VPS26C: variants seen among roughly 807,000 people sequenced by gnomAD.
VPS26C encodes VPS26 endosomal protein sorting factor C, also known as vacuolar protein sorting-associated protein 26C.
Under a neutral mutation model 30.6 loss-of-function variants are expected in VPS26C, and 19 were observed. The observed-to-expected ratio is 0.62, with a 90% confidence interval of 0.43 to 0.91. The LOEUF is 0.91. VPS26C is among the 40% of genes least tolerant of loss of function. The pLI is 0.00. For missense variants in VPS26C, 318 were observed against 385.1 expected (o/e 0.83, Z 1.46); for synonymous variants, 132 against 151.5 (o/e 0.87, Z 0.95).
At position 37,233,339 on chromosome 21, in the gene VPS26C, CAG is replaced by C. The variant is rs1569232809; in HGVS notation, c.432+21_432+22del. ...ATGGGAGATTCCTATCATTAAGCAC[CAG>C]AGTCCCCGAGTGAAGCTTACAGCGG... On this transcript the variant is annotated intron_variant, in intron 4 of 7. Transcript: ENST00000309117. The surrounding 1 kb of genome is among the most constrained non-coding windows in gnomAD (Gnocchi z 5.2). 6.2e-7 allele frequency: 1 copy of C among 1,602,950 alleles called. No homozygotes were observed. Among genetic ancestry groups the C allele is most frequent in the Non-Finnish European group, 8.5e-7 (1 of 1,169,858 alleles).
intron 1 of VPS26C, 25 bp downstream of exon 1, chr21:37,267,213 A>AAAACC: frequency 4.8e-6 from 2 of 415,808 alleles, no homozygotes; most frequent in Non-Finnish European, 9.3e-6. Flanking sequence ...CCCCACCTCC[A>AAAACC]TCCCCACCCC....
In VPS26C at chr21:37,233,488, G is replaced by A. The variant is rs1314792969; in HGVS notation, c.352-46C>T. ...AAAAAAGTTCATTTTAGTGGGATTT[G>A]CTTTCATCTTGGAATTATATTCAAA... is the stretch of plus-strand genomic sequence containing the variant. On this transcript the variant is annotated intron_variant, in intron 3 of 7. Transcript: ENST00000309117. This position sits in a 1 kb window ranked among gnomAD's most constrained non-coding sequence, Gnocchi z 5.2. 1 of 1,396,698 alleles carries A rather than the reference G, an allele frequency of 7.2e-7. No homozygotes were observed. Among genetic ancestry groups the A allele is most frequent in the Non-Finnish European group, 1.0e-6 (1 of 983,008 alleles). The allele number at this position is 1,396,698 out of a possible 1,614,324, so 86.5% of individuals were successfully genotyped here.
chr21:37,232,055 T>C (rs1421257665), intron 5 of VPS26C: 6 of 306,508 alleles, frequency 2.0e-5, no homozygotes, highest in Admixed American at 1.4e-4. Context: ...CGGCTAACCA[T>C]GAGAAATGAA....
Position 37,228,337 on chromosome 21 carries a change from G to A in VPS26C, c.544C>T (p.Leu182Phe). The A allele has an allele frequency of 6.2e-7, 1 of 1,614,202 alleles. No homozygotes were observed. The highest frequency in any genetic ancestry group is 1.3e-5 in the African/African-American group (1 of 75,050). Residue 182 changes from leucine to phenylalanine, a missense_variant, in exon 6 of 8, where the codon CTC (leucine) becomes TTC (phenylalanine). Transcript: ENST00000309117. ...LLPKFLLRGH[L>F]NSTNCVITQP... ...GTGATGACACAGTTTGTTGAGTTGA[G>A]ATGTCCTCGAAGGAGAAATTTGGGA...
chr21:37,250,868 C>A (rs1262546044), intron 1 of VPS26C, among the ~76,000 whole-genome samples: 1 of 146,858 alleles, frequency 6.8e-6, no homozygotes, highest in Non-Finnish European at 1.5e-5. Flanking sequence ...CCACTGCACT[C>A]CAGCCTGGGC....
chr21:37,248,184 A>T (rs2086156117), intron 1 of VPS26C, among the ~76,000 whole-genome samples: 1 of 151,996 alleles, frequency 6.6e-6, no homozygotes, highest in South Asian at 2.1e-4. Context: ...GATACAGAAG[A>T]CCTACGTCAC....
intron 1 of VPS26C, among the ~76,000 whole-genome samples, chr21:37,247,256 A>G (rs1569237910): frequency 6.6e-6 from 1 of 152,242 alleles, no homozygotes. Flanking sequence ...TTTAAAGTTA[A>G]TAAGTCAAAT....
At chr21:37,248,692 A>C (rs1346334504) in intron 1 of VPS26C, among the ~76,000 whole-genome samples, 1 of 151,218 alleles carries the variant, frequency 6.6e-6, no homozygotes, top group East Asian at 1.9e-4. Flanking sequence ...CCACTATAAA[A>C]CTATTAGAAA....
At chr21:37,254,869 C>A (rs1305944255) in intron 1 of VPS26C, among the ~76,000 whole-genome samples, 1 of 151,954 alleles carries the variant, frequency 6.6e-6, no homozygotes, top group Admixed American at 6.6e-5. Flanking sequence ...TAGGGTAGAT[C>A]ACGTGTTAAT....
At chr21:37,250,335 C>A (rs968182955) in intron 1 of VPS26C, among the ~76,000 whole-genome samples, 1 of 151,012 alleles carries the variant, frequency 6.6e-6, no homozygotes. Flanking sequence ...TTGGACCATA[C>A]TGAAACTTTT....
intron 5 of VPS26C, 62 bp downstream of exon 5, chr21:37,232,315 A>G (rs769688624): frequency 7.0e-7 from 1 of 1,420,312 alleles, no homozygotes; most frequent in Non-Finnish European, 9.9e-7. Flanking sequence ...GGCAATAGCT[A>G]GTCCGTGGGG....
At chr21:37,267,138 C>A in intron 1 of VPS26C, 100 bp downstream of exon 1, 2 of 1,103,588 alleles carry the variant, frequency 1.8e-6, no homozygotes, top group African/African-American at 3.1e-5. Flanking sequence ...GACAGCCCTG[C>A]CCCGCCTAGG....
At position 37,232,270 on chromosome 21, in the gene VPS26C, G is replaced by A. The variant is rs530777038; in HGVS notation, c.507+107C>T. On this transcript the variant is annotated intron_variant, in intron 5 of 7. Coordinates refer to ENST00000309117, the MANE Select transcript of VPS26C (RefSeq NM_006052.2). Reference sequence around the variant, plus strand: ...TTGGGTACAATCAGAAATCTCTGCCGGCTGATGACGTGATTTCCAAATGAA... The same window carrying A: ...TTGGGTACAATCAGAAATCTCTGCCAGCTGATGACGTGATTTCCAAATGAA... 138 of 876,834 alleles carry A rather than the reference G, an allele frequency of 1.6e-4. 1 individual carries two copies. The highest frequency in any genetic ancestry group is 6.5e-4 in the East Asian group (26 of 39,976). The allele number at this position is 876,834 out of a possible 1,614,324, so 54.3% of individuals were successfully genotyped here. A position where few individuals can be genotyped will look rare whatever the true frequency, so the allele number is the denominator to read the frequency against.
chr21:37,260,929 A>G (rs550690606), intron 1 of VPS26C, among the ~76,000 whole-genome samples: 9 of 152,354 alleles, frequency 5.9e-5, no homozygotes, highest in African/African-American at 2.2e-4. Flanking sequence ...ATGTGCCTAC[A>G]ATACCATAGT....
At chr21:37,243,459 GC>G (rs755345728) in intron 1 of VPS26C, among the ~76,000 whole-genome samples, 13 of 152,304 alleles carry the variant, frequency 8.5e-5, no homozygotes, top group Middle Eastern at 3.4e-3. Flanking sequence ...AAGAGGCGCA[GC>G]CCCGTGTGGT....
chr21:37,225,395 GA>G lies in VPS26C; in HGVS notation c.*148del. On this transcript the variant is annotated 3_prime_UTR_variant, in exon 8 of 8. Coordinates refer to ENST00000309117, the MANE Select transcript of VPS26C (RefSeq NM_006052.2). ...GCAGAAGCCTCAAGAAATGAGGAAGGAAAGTTAATTTGAGGGTCTGTTTCAT... is the reference window on the plus strand; with the variant it reads ...GCAGAAGCCTCAAGAAATGAGGAAGGAAGTTAATTTGAGGGTCTGTTTCAT... The G allele has an allele frequency of 1.5e-6, 1 of 677,180 alleles. No individual in the cohort carries two copies. Among genetic ancestry groups the G allele is most frequent in the South Asian group, 1.8e-5 (1 of 56,808 alleles). The allele number at this position is 677,180 out of a possible 1,614,324, so 41.9% of individuals were successfully genotyped here. A position where few individuals can be genotyped will look rare whatever the true frequency, so the allele number is the denominator to read the frequency against.
upstream of VPS26C, chr21:37,267,398 C>T: frequency 9.9e-7 from 1 of 1,013,264 alleles, no homozygotes; most frequent in Non-Finnish European, 1.5e-6. Flanking sequence ...TCCCTCTCTG[C>T]CGGCAGTGGC....
rs2086252872 is a variant in VPS26C at position 37,257,241 on chromosome 21, G to A, written c.57+9997C>T. 6.6e-6 allele frequency among the ~76,000 whole-genome samples: 1 copy of A among 152,198 alleles called. No homozygotes were observed. The highest frequency in any genetic ancestry group is 2.1e-4 in the South Asian group (1 of 4,834). On this transcript the variant is annotated intron_variant, in intron 1 of 7. Coordinates refer to ENST00000309117, the MANE Select transcript of VPS26C (RefSeq NM_006052.2). This position sits in a 1 kb window ranked among gnomAD's most constrained non-coding sequence, Gnocchi z 4.2. ...AAACAACTGATCTAGAAAATGTTCTGGAAAAAGTAAAAAAGGATCAGGATC... is the reference window on the plus strand; with the variant it reads ...AAACAACTGATCTAGAAAATGTTCTAGAAAAAGTAAAAAAGGATCAGGATC...
At chr21:37,263,341 C>A (rs1217051746) in intron 1 of VPS26C, among the ~76,000 whole-genome samples, 1 of 152,232 alleles carries the variant, frequency 6.6e-6, no homozygotes, top group African/African-American at 2.4e-5. Flanking sequence ...AGCACTCCTA[C>A]GAAATGAATA....
Sources: allele counts gnomAD v4.1 joint callset (sites outside exome capture counted in the v4.1 genomes callset), GRCh38; gene constraint gnomAD v4.1.1; non-coding constraint Gnocchi (gnomAD v3.1); transcripts MANE v1.5; gene names NCBI Gene and HGNC (gene_info 2026-07-23, HGNC 2026-07-21).